Variants in COPS3 observed in about 807,000 individuals in gnomAD.
COPS3 encodes the protein COP9 signalosome complex subunit 3.
In COPS3, 10 loss-of-function variants were observed where a neutral mutation model predicts 58.2. The ratio of observed to expected loss-of-function variants is 0.17; its 90% CI spans 0.11 to 0.29. The LOEUF is 0.29. COPS3 is among the 10% of genes least tolerant of loss of function. The pLI is 1.00. For synonymous variants in COPS3, 187 were observed against 181.7 expected, an observed-to-expected ratio of 1.03 and a Z score of -0.24; for missense variants, 333 against 510.1, an observed-to-expected ratio of 0.65 and a Z score of 3.34.
chr17:17,247,394 C>A (rs1383768354), intron 11 of COPS3, 86 bp downstream of exon 11: 4 of 1,277,776 alleles, frequency 3.1e-6, no homozygotes, highest in Admixed American at 1.8e-5. Context: ...TATTTAATAA[C>A]CTGAAACTTA....
chr17:17,253,621 G>C (rs2047898374), intron 9 of COPS3, among the ~76,000 whole-genome samples: 1 of 152,166 alleles, frequency 6.6e-6, no homozygotes, highest in African/African-American at 2.4e-5. Flanking sequence ...AGTGACGGAA[G>C]AGGCTAAGTC....
chr17:17,274,467 C>T (rs998109883), intron 2 of COPS3, among the ~76,000 whole-genome samples: 6 of 150,696 alleles, frequency 4.0e-5, no homozygotes, highest in African/African-American at 1.5e-4. Context: ...CTCTGTCACC[C>T]AGACTGGAGT....
chr17:17,268,087 A>G, intron 4 of COPS3, 110 bp from the exon 5 acceptor site: 1 of 1,370,574 alleles, frequency 7.3e-7, no homozygotes, highest in African/African-American at 1.4e-5. Flanking sequence ...GTTCCTTTAA[A>G]TAGCAATATG....
In COPS3 at chr17:17,281,136, A is replaced by G. The variant is rs138748869; in HGVS notation, c.51T>C (p.Ala17=). 8.1e-4 allele frequency: 1,300 copies of G among 1,610,132 alleles called. 10 individuals carry two copies. In the Middle Eastern group the frequency reaches 8.9e-3, roughly 11 times the overall value. ...CCCGGCGGCCTAGGGCGTTACCTTG[A>G]GCTGAGAGCTGTCGGACACTGTTCA... The part of the protein sequence containing the change: ...QFVNSVRQLS[A]QGQMTQLCEL... The change falls in exon 1 of 12, where the codon GCT becomes GCC. Residue 17 remains alanine, a synonymous_variant. Coordinates refer to ENST00000268717, the MANE Select transcript of COPS3 (RefSeq NM_003653.4).
At chr17:17,251,601 A>G (rs925340559) in intron 9 of COPS3, among the ~76,000 whole-genome samples, 1 of 152,096 alleles carries the variant, frequency 6.6e-6, no homozygotes, top group African/African-American at 2.4e-5. Flanking sequence ...TGTCCAACTA[A>G]TTAAAATGGA....
At chr17:17,267,717 T>A (rs1197783804) in intron 5 of COPS3, among the ~76,000 whole-genome samples, 168 bp downstream of exon 5, 1 of 152,132 alleles carries the variant, frequency 6.6e-6, no homozygotes, top group Non-Finnish European at 1.5e-5. Flanking sequence ...ATCCTACAGT[T>A]TGCATCCAGC....
At chr17:17,276,734 A>T (rs2048468985) in intron 1 of COPS3, among the ~76,000 whole-genome samples, 1 of 151,804 alleles carries the variant, frequency 6.6e-6, no homozygotes, top group Non-Finnish European at 1.5e-5. Context: ...GCACCTGGCT[A>T]ATTTTTTTGT....
chr17:17,269,143 A>G (rs2048291855), intron 4 of COPS3, among the ~76,000 whole-genome samples: 1 of 152,092 alleles, frequency 6.6e-6, no homozygotes, highest in Non-Finnish European at 1.5e-5. Flanking sequence ...CCTGGCCAAC[A>G]TGGCAAAACC....
chr17:17,265,254 A>G (rs1307345697), intron 5 of COPS3, among the ~76,000 whole-genome samples: 4 of 152,214 alleles, frequency 2.6e-5, no homozygotes, highest in Non-Finnish European at 5.9e-5. Context: ...TCCAATGAGC[A>G]CTTTGAGTGC....
chr17:17,258,064 A>G (rs1363852168), intron 8 of COPS3, among the ~76,000 whole-genome samples: 4 of 152,164 alleles, frequency 2.6e-5, no homozygotes, highest in Non-Finnish European at 4.4e-5. Flanking sequence ...TGGAGCAGCC[A>G]CTATCACAGA....
intron 8 of COPS3, among the ~76,000 whole-genome samples, chr17:17,259,905 A>AG (rs1374379139): frequency 6.6e-6 from 1 of 151,184 alleles, no homozygotes; most frequent in Admixed American, 6.6e-5. Flanking sequence ...AGAGAGAAAA[A>AG]AAAAAAATGT....
At chr17:17,272,937 T>C (rs1234136004) in intron 2 of COPS3, among the ~76,000 whole-genome samples, 1 of 152,192 alleles carries the variant, frequency 6.6e-6, no homozygotes, top group Non-Finnish European at 1.5e-5. Flanking sequence ...CAAAGCAACA[T>C]TGCTTAGAAT....
intron 9 of COPS3, among the ~76,000 whole-genome samples, chr17:17,254,215 G>T (rs1217084404): frequency 6.6e-6 from 1 of 150,812 alleles, no homozygotes; most frequent in African/African-American, 2.4e-5. Flanking sequence ...GGCTGAGGTG[G>T]GTGGATTACT....
In COPS3 at chr17:17,249,357, G is replaced by A. The variant is rs149468398; in HGVS notation, c.1024-318C>T. On this transcript the variant is annotated intron_variant, in intron 9 of 11. Transcript: ENST00000268717. ...ATTTATTTATTTGAGATGGAGTCTC[G>A]CTGTCCCCCAGGCTGGAGTGCAGTG... Among the ~76,000 whole-genome samples the A allele has an allele frequency of 2.1e-3, 326 of 151,960 alleles. 3 individuals carry two copies. Among genetic ancestry groups the A allele is most frequent in the East Asian group, 0.011 (59 of 5,176 alleles).
intron 2 of COPS3, among the ~76,000 whole-genome samples, chr17:17,272,410 G>C (rs1049078443): frequency 6.6e-6 from 1 of 151,676 alleles, no homozygotes; most frequent in African/African-American, 2.4e-5. Context: ...GTGACGGAGT[G>C]AGACTCGTCT....
At chr17:17,257,388 CCAAA>C (rs900436559) in intron 8 of COPS3, among the ~76,000 whole-genome samples, 4 of 148,282 alleles carry the variant, frequency 2.7e-5, no homozygotes, top group African/African-American at 9.9e-5. Context: ...AGAAAAAATA[CCAAA>C]CAAACAAAAG....
chr17:17,267,625 G>A (rs2048256675), intron 5 of COPS3, among the ~76,000 whole-genome samples: 3 of 130,118 alleles, frequency 2.3e-5, no homozygotes, highest in Non-Finnish European at 3.2e-5. Context: ...GCGACAAAGT[G>A]AGACTGTCTC....
At chr17:17,262,586 C>T (rs1385701977) in intron 6 of COPS3, among the ~76,000 whole-genome samples, 12 of 151,772 alleles carry the variant, frequency 7.9e-5, no homozygotes, top group East Asian at 3.9e-4. Context: ...AAAAATTAGC[C>T]GGGTGTGGTG....
At chr17:17,268,472 AGAAGACCAAGTG>A (rs1244043492) in intron 4 of COPS3, among the ~76,000 whole-genome samples, 3 of 152,292 alleles carry the variant, frequency 2.0e-5, no homozygotes, top group African/African-American at 7.2e-5. Context: ...ATTATAAATA[AGAAGACCAAGTG>A]TCAAGTAAGG....
Sources: allele counts gnomAD v4.1 joint callset (sites outside exome capture counted in the v4.1 genomes callset), GRCh38; gene constraint gnomAD v4.1.1; transcripts MANE v1.5; gene names NCBI Gene and HGNC (gene_info 2026-07-23, HGNC 2026-07-21).